Variants in WASHC2A observed in about 807,000 individuals in gnomAD.
WASHC2A encodes the protein WASH complex subunit 2A.
In WASHC2A, 82 loss-of-function variants were observed where a neutral mutation model predicts 140.3. The ratio of observed to expected loss-of-function variants is 0.58; its 90% CI spans 0.49 to 0.70. The LOEUF (loss-of-function observed/expected upper bound fraction) is 0.70. Among genes scored for constraint, WASHC2A ranks in the 30% least tolerant of loss-of-function variants. WASHC2A has a pLI of 0.00. For synonymous variants in WASHC2A, 340 were observed against 560.8 expected (o/e 0.61, Z 5.56); for missense variants, 985 against 1,521.8 (o/e 0.65, Z 5.87).
chr10:50,089,850 ATG>A (rs1453479578), intron 8 of WASHC2A, among the ~76,000 whole-genome samples: 1 of 151,660 alleles, frequency 6.6e-6, no homozygotes, highest in African/African-American at 2.4e-5. Flanking sequence ...TGCTTTGAGA[ATG>A]TAATCCCAGC....
intron 23 of WASHC2A, among the ~76,000 whole-genome samples, chr10:50,124,490 CA>C (rs1158814160): frequency 4.6e-5 from 7 of 151,872 alleles, no homozygotes; most frequent in Non-Finnish European, 1.5e-5. Flanking sequence ...ATTATCAAAC[CA>C]ATAATGTTGA....
At chr10:50,087,214 A>G (rs553937567) in intron 7 of WASHC2A, 61 bp from the exon 8 acceptor site, 351 of 1,611,210 alleles carry the variant, frequency 2.2e-4, no homozygotes, top group African/African-American at 1.1e-3. Flanking sequence ...TAGACCTGCA[A>G]TCATTTCTGT....
intron 30 of WASHC2A, among the ~76,000 whole-genome samples, chr10:50,131,892 G>A (rs893479466): frequency 3.3e-5 from 5 of 152,210 alleles, no homozygotes; most frequent in African/African-American, 7.2e-5. Context: ...ATAGATTCAT[G>A]CAATTCAGAA....
chr10:50,068,226 G>T lies in WASHC2A; in HGVS notation c.125G>T (p.Gly42Val), dbSNP rs782036736. ...SQSWSLAADA[G>V]LLQFLQEFSQ... ...AGCTGGTCGCTGGCGGCCGACGCGG[G>T]CGTGAGAGGCGGGCCCCGGGGACGC... The change falls in exon 2 of 31, where the codon GGC (glycine) becomes GTC (valine). Residue 42 changes from glycine (G) to valine (V), a missense_variant and splice_region_variant. Physicochemically the swap from Gly to Val is moderately radical, Grantham distance 109. Coordinates refer to ENST00000282633, the MANE Select transcript of WASHC2A (RefSeq NM_001005751.3). The T allele has an allele frequency of 6.4e-7, 1 of 1,573,636 alleles. No individual in the cohort carries two copies. Among genetic ancestry groups the T allele is most frequent in the Admixed American group, 1.8e-5 (1 of 54,712 alleles).
intron 13 of WASHC2A, among the ~76,000 whole-genome samples, chr10:50,094,868 CT>C (rs1840314415): frequency 6.6e-6 from 1 of 150,920 alleles, no homozygotes. Flanking sequence ...TGCTCACCTC[CT>C]CCCTTGGTGT....
At position 50,088,529 on chromosome 10, in the gene WASHC2A, G is replaced by A. The variant is rs1416278748; in HGVS notation, c.732+1207G>A. Among the ~76,000 whole-genome samples the A allele has an allele frequency of 8.9e-4, 135 of 151,916 alleles. 2 individuals carry two copies. Among genetic ancestry groups the A allele is most frequent in the Middle Eastern group, 3.4e-3 (1 of 294 alleles). On this transcript the variant is annotated intron_variant, in intron 8 of 30. Coordinates refer to ENST00000282633, the MANE Select transcript of WASHC2A (RefSeq NM_001005751.3). ...CCCACTTCGCCCTCCCAGAGTACTG[G>A]GATTACAGGTATGAGCCACCACGCC...
chr10:50,119,414 CA>C (rs1480630898), intron 22 of WASHC2A, among the ~76,000 whole-genome samples, 172 bp from the exon 23 acceptor site: 2 of 101,012 alleles, frequency 2.0e-5, no homozygotes, highest in African/African-American at 7.5e-5. Flanking sequence ...TTGGAGCAGC[CA>C]ATCAAGAATT....
intron 15 of WASHC2A, among the ~76,000 whole-genome samples, chr10:50,097,388 C>G (rs1458508336): frequency 6.6e-6 from 1 of 150,968 alleles, no homozygotes; most frequent in Non-Finnish European, 1.5e-5. Context: ...CTCTCTTCAC[C>G]TTGTAAGCCA....
rs1554874875 is a variant in WASHC2A, at chr10:50,068,218, C to G, written c.117C>G (p.Ala39=). Residue 39 remains alanine, a synonymous_variant, in exon 2 of 31, where the codon GCC becomes GCG. Transcript: ENST00000282633. ...RRSSQSWSLA[A]DAGLLQFLQE... ...GCAGCCAGAGCTGGTCGCTGGCGGC[C>G]GACGCGGGCGTGAGAGGCGGGCCCC... 1 of 1,579,654 alleles carries G rather than the reference C, an allele frequency of 6.3e-7. No individual in the cohort carries two copies. Among genetic ancestry groups the G allele is most frequent in the Non-Finnish European group, 8.6e-7 (1 of 1,162,886 alleles).
rs1201598496 is a variant in WASHC2A, at chr10:50,110,268, C to A, written c.2037C>A (p.Asp679Glu). 181 of 1,611,708 alleles carry A rather than the reference C, an allele frequency of 1.1e-4. No individual in the cohort carries two copies. Among genetic ancestry groups the A allele is most frequent in the Non-Finnish European group, 1.1e-4 (125 of 1,179,752 alleles). ...ATGATCTTTTTGCCATTGCCAAGGA[C>A]AGGTGAGATAGTCATTGGAAGGAGT... The part of the protein sequence containing the change: ...EEDDLFAIAK[D>E]SQKKTQRVSL... Residue 679 changes from aspartate (D) to glutamate (E), a missense_variant and splice_region_variant, in exon 20 of 31, where the codon GAC (aspartate) becomes GAA (glutamate). By Grantham distance (45) the Asp-to-Glu change is conservative. Coordinates refer to ENST00000282633, the MANE Select transcript of WASHC2A (RefSeq NM_001005751.3).
intron 27 of WASHC2A, 108 bp downstream of exon 27, chr10:50,127,330 C>A (rs1276485003): frequency 4.4e-6 from 7 of 1,594,254 alleles, no homozygotes; most frequent in Middle Eastern, 2.3e-4. Context: ...TCTCTTCCCC[C>A]GCCTCCCCTC....
chr10:50,126,400 T>G (rs1482213528), intron 26 of WASHC2A: 1 of 468,112 alleles, frequency 2.1e-6, no homozygotes, highest in Non-Finnish European at 3.9e-6. Flanking sequence ...TTAGTGTTTT[T>G]TGATGCCATG....
chr10:50,101,256 T>C, intron 17 of WASHC2A, among the ~76,000 whole-genome samples: 1 of 152,312 alleles, frequency 6.6e-6, no homozygotes, highest in Non-Finnish European at 1.5e-5. Flanking sequence ...GGATCCCATG[T>C]GTCACCCACA....
At chr10:50,070,839 GAC>G (rs1421474497) in intron 3 of WASHC2A, among the ~76,000 whole-genome samples, 6 of 118,218 alleles carry the variant, frequency 5.1e-5, no homozygotes, top group African/African-American at 1.9e-4. Context: ...AGACCAGCCT[GAC>G]CAACATGGAG....
At chr10:50,090,515 A>AATATATATATATATATAT (rs1203140565) in intron 8 of WASHC2A, among the ~76,000 whole-genome samples, 5 of 108,730 alleles carry the variant, frequency 4.6e-5, no homozygotes, top group African/African-American at 1.6e-4. Context: ...AAAAAAAAAA[A>AATATATATATATATATAT]ATATATATAT....
chr10:50,078,747 T>A lies in WASHC2A; in HGVS notation c.354+10T>A, dbSNP rs1349063681. 2 of 1,611,852 alleles carry A rather than the reference T, an allele frequency of 1.2e-6. No individual in the cohort carries two copies. The highest frequency in any genetic ancestry group is 2.7e-5 in the African/African-American group (2 of 74,822). On this transcript the variant is annotated intron_variant, in intron 4 of 30. Coordinates refer to ENST00000282633, the MANE Select transcript of WASHC2A (RefSeq NM_001005751.3). ...AGAAAAAACAGAGCAGGTACTTGTATAAAATCACTCTTAGCTGAGTTTCTG... is the reference window on the plus strand; with the variant it reads ...AGAAAAAACAGAGCAGGTACTTGTAAAAAATCACTCTTAGCTGAGTTTCTG...
chr10:50,132,438 T>C (rs1844058950), intron 30 of WASHC2A, among the ~76,000 whole-genome samples: 1 of 152,260 alleles, frequency 6.6e-6, no homozygotes, highest in African/African-American at 2.4e-5. Context: ...TCCCTTTGCG[T>C]ATTTTTATTG....
At chr10:50,099,260 ATTC>A (rs1430028818) in intron 16 of WASHC2A, among the ~76,000 whole-genome samples, 7 of 143,592 alleles carry the variant, frequency 4.9e-5, no homozygotes, top group East Asian at 2.0e-4. Flanking sequence ...CATTACCATC[ATTC>A]TTCTTCTTTT....
chr10:50,087,133 A>T, intron 7 of WASHC2A, 142 bp from the exon 8 acceptor site: 2 of 1,056,324 alleles, frequency 1.9e-6, no homozygotes, highest in Non-Finnish European at 3.0e-6. Flanking sequence ...GGTGACCAGT[A>T]GTCAGTACAA....
Sources: gnomAD v4.1 joint callset for allele counts (sites outside exome capture counted in the v4.1 genomes callset) on GRCh38, gnomAD v4.1.1 for gene constraint, MANE v1.5 for transcripts, NCBI Gene and HGNC (gene_info 2026-07-23, HGNC 2026-07-21) for gene names.